PDE1C: variants seen among roughly 807,000 people sequenced by gnomAD.
PDE1C encodes the protein phosphodiesterase 1C.
A neutral mutation model predicts 93.1 loss-of-function variants in PDE1C; 62 were observed. That is an observed-to-expected ratio of 0.67 (90% confidence interval 0.54 to 0.82). The LOEUF (loss-of-function observed/expected upper bound fraction) is 0.82. Ranked by LOEUF, PDE1C falls within the 40% of genes least tolerant of loss-of-function variation. The pLI is 0.00. For missense variants in PDE1C, 742 were observed against 884.6 expected (o/e 0.84, Z 2.04); for synonymous variants, 325 against 310.1 (o/e 1.05, Z -0.50).
the PDE1C span, among the ~76,000 whole-genome samples, chr7:31,631,449 A>G: frequency 0.39 from 59,276 of 152,074 alleles, 12,137 homozygotes; most frequent in Middle Eastern, 0.47. Context: ...GATTTTAGTC[A>G]TTTTCTTACG....
intron 9 of PDE1C, among the ~76,000 whole-genome samples, chr7:31,844,190 G>T (rs892519655): frequency 7.9e-5 from 12 of 151,410 alleles, no homozygotes; most frequent in Admixed American, 2.0e-4. Flanking sequence ...CTAAAAGTCT[G>T]ATTTCACTAT....
At chr7:31,815,885 G>T in intron 15 of PDE1C, 39 bp downstream of exon 15, 1 of 1,420,416 alleles carries the variant, frequency 7.0e-7, no homozygotes, top group Non-Finnish European at 1.0e-6. Flanking sequence ...TGTCATTAAT[G>T]CCGCGAAAAG....
intron 5 of PDE1C, among the ~76,000 whole-genome samples, chr7:31,876,507 G>A (rs898257226): frequency 5.9e-5 from 9 of 152,118 alleles, no homozygotes; most frequent in Non-Finnish European, 7.4e-5. Context: ...AAACATTTTC[G>A]TAAATGTCTT....
At chr7:32,277,873 G>T (rs1260438106) in intron 1 of PDE1C, among the ~76,000 whole-genome samples, 1 of 152,172 alleles carries the variant, frequency 6.6e-6, no homozygotes, top group Non-Finnish European at 1.5e-5. Context: ...CCATCACGAT[G>T]AACCCTAATA....
intron 2 of PDE1C, among the ~76,000 whole-genome samples, chr7:31,949,362 A>T (rs1807055472): frequency 6.6e-6 from 1 of 152,172 alleles, no homozygotes; most frequent in African/African-American, 2.4e-5. Context: ...CGGGAGGCTG[A>T]GGCAGGAGAA....
chr7:31,842,599 T>C (rs1306562214), intron 9 of PDE1C, among the ~76,000 whole-genome samples: 1 of 152,152 alleles, frequency 6.6e-6, no homozygotes, highest in Non-Finnish European at 1.5e-5. Context: ...CATTTTCTTA[T>C]GTATTTCATA....
chr7:31,681,272 T>C, the PDE1C span, among the ~76,000 whole-genome samples: 2 of 152,142 alleles, frequency 1.3e-5, no homozygotes, highest in African/African-American at 2.4e-5. Flanking sequence ...GAAATTATGG[T>C]GGTATTGTAC....
In PDE1C at chr7:32,039,496, A is replaced by G. The variant is rs142250751; in HGVS notation, c.128+12058T>C. Among the ~76,000 whole-genome samples, 316 of 152,260 alleles carry G rather than the reference A, an allele frequency of 2.1e-3. 2 individuals are homozygous for G. The highest frequency in any genetic ancestry group is 7.2e-3 in the African/African-American group (300 of 41,560). On this transcript the variant is annotated intron_variant, in intron 2 of 17. Coordinates refer to ENST00000396191, the MANE Select transcript of PDE1C (RefSeq NM_001191057.4). The stretch of plus-strand genomic sequence containing the variant: ...AACTGATTGTAGAAAAGTCAACACA[A>G]AGTCCTCCATTTATGTACATACCAG...
rs138042991 is a variant in PDE1C at position 31,986,629 on chromosome 7, G to A, written c.128+64925C>T. On this transcript the variant is annotated intron_variant, in intron 2 of 17. Coordinates refer to ENST00000396191, the MANE Select transcript of PDE1C (RefSeq NM_001191057.4). Reference sequence around the variant, plus strand: ...GGGCACAGAGAGAAGGCCATGTGAAGCAGGAGGAAGAGACCTGAGTGATGA... The same window carrying A: ...GGGCACAGAGAGAAGGCCATGTGAAACAGGAGGAAGAGACCTGAGTGATGA... Among the ~76,000 whole-genome samples the A allele has an allele frequency of 1.2e-3, 181 of 152,204 alleles. 1 individual carries two copies. Among genetic ancestry groups the A allele is most frequent in the African/African-American group, 4.2e-3 (176 of 41,518 alleles).
At chr7:31,645,015 G>T in the PDE1C span, among the ~76,000 whole-genome samples, 1 of 152,044 alleles carries the variant, frequency 6.6e-6, no homozygotes, top group African/African-American at 2.4e-5. Context: ...ATAAATATTT[G>T]TTGGGCTCCT....
intron 3 of PDE1C, among the ~76,000 whole-genome samples, chr7:32,103,438 C>G (rs781346435): frequency 6.6e-6 from 1 of 152,256 alleles, no homozygotes. Flanking sequence ...GTGATGCTGG[C>G]AGCCAGACGG....
chr7:31,625,744 C>T, the PDE1C span, among the ~76,000 whole-genome samples: 1 of 151,568 alleles, frequency 6.6e-6, no homozygotes, highest in East Asian at 1.9e-4. Flanking sequence ...GCACATTGTG[C>T]ACATGTACCC....
chr7:31,962,417 T>C (rs1022811492), intron 2 of PDE1C, among the ~76,000 whole-genome samples: 3 of 152,222 alleles, frequency 2.0e-5, no homozygotes, highest in Non-Finnish European at 4.4e-5. Flanking sequence ...AAACAGAGTC[T>C]GCAATGAACA....
chr7:32,229,328 AAGTCTAGGG>A (rs1185529688), intron 1 of PDE1C, among the ~76,000 whole-genome samples: 1 of 152,238 alleles, frequency 6.6e-6, no homozygotes, highest in Non-Finnish European at 1.5e-5. Context: ...TGCACTGCAC[AAGTCTAGGG>A]AGCACTTGTC....
the PDE1C span, chr7:31,658,271 G>A: frequency 6.7e-7 from 1 of 1,501,676 alleles, no homozygotes; most frequent in African/African-American, 1.4e-5. Context: ...TCTCTTATAG[G>A]TGAATTATTG....
intron 1 of PDE1C, among the ~76,000 whole-genome samples, chr7:32,069,738 C>T (rs530269151): frequency 6.6e-6 from 1 of 152,222 alleles, no homozygotes; most frequent in Admixed American, 6.5e-5. Context: ...GTTTCTGCCC[C>T]CCCTTTCTCC....
At chr7:32,242,904 G>A (rs978026364) in intron 1 of PDE1C, among the ~76,000 whole-genome samples, 5 of 152,186 alleles carry the variant, frequency 3.3e-5, no homozygotes, top group Non-Finnish European at 5.9e-5. Flanking sequence ...AATGAGAGCT[G>A]TACAAGGCCC....
chr7:31,968,958 T>C (rs1810476914), intron 2 of PDE1C, among the ~76,000 whole-genome samples: 1 of 152,180 alleles, frequency 6.6e-6, no homozygotes, highest in Non-Finnish European at 1.5e-5. Context: ...ATCCCTTCCT[T>C]ACACCTTATA....
intron 3 of PDE1C, among the ~76,000 whole-genome samples, chr7:32,158,735 T>C (rs1801728218): frequency 6.6e-6 from 1 of 152,160 alleles, no homozygotes; most frequent in South Asian, 2.1e-4. Flanking sequence ...GAAATATAAT[T>C]CCTAATTCTG....
Sources: gnomAD v4.1 joint callset for allele counts (sites outside exome capture counted in the v4.1 genomes callset) on GRCh38, gnomAD v4.1.1 for gene constraint, MANE v1.5 for transcripts, NCBI Gene and HGNC (gene_info 2026-07-23, HGNC 2026-07-21) for gene names.